Variants in ATP6V0D2 observed in about 807,000 individuals in gnomAD.
ATP6V0D2 encodes the protein ATPase H+ transporting V0 subunit d2.
ATP6V0D2 carries 40 observed loss-of-function variants against 40.0 expected under a neutral mutation model. The observed-to-expected ratio is 1.00, with a 90% CI of 0.78 to 1.30. The LOEUF (loss-of-function observed/expected upper bound fraction) is 1.30. Among genes scored for constraint, ATP6V0D2 ranks in the 50% most tolerant of loss-of-function variants. The pLI is 0.00. For synonymous variants in ATP6V0D2, 179 were observed against 156.3 expected (o/e 1.15, Z -1.08); for missense variants, 470 against 423.1 (o/e 1.11, Z -0.97).
At chr8:86,141,361 A>C in intron 3 of ATP6V0D2, 89 bp from the exon 4 acceptor site, 1 of 863,856 alleles carries the variant, frequency 1.2e-6, no homozygotes, top group Admixed American at 2.0e-5. Flanking sequence ...GTCAGGAGTG[A>C]GCAGAGGGTG....
intron 6 of ATP6V0D2, among the ~76,000 whole-genome samples, chr8:86,150,548 A>T (rs899874749): frequency 6.6e-6 from 1 of 152,090 alleles, no homozygotes; most frequent in Non-Finnish European, 1.5e-5. Flanking sequence ...CTCCTTTTGA[A>T]GTGTTTGATA....
intron 2 of ATP6V0D2, among the ~76,000 whole-genome samples, chr8:86,125,417 GTTTTA>G (rs201316566): frequency 0.019 from 2,860 of 152,196 alleles, 30 homozygotes; most frequent in Middle Eastern, 0.068. Context: ...CATTGTCCTA[GTTTTA>G]TTTTAACTTG....
intron 1 of ATP6V0D2, among the ~76,000 whole-genome samples, chr8:86,103,445 T>C (rs1387481600): frequency 6.6e-6 from 1 of 152,070 alleles, no homozygotes; most frequent in Non-Finnish European, 1.5e-5. Context: ...CTTTACTTTG[T>C]CCTTGACACA....
chr8:86,123,619 A>C (rs1245182758), intron 2 of ATP6V0D2, among the ~76,000 whole-genome samples: 1 of 152,194 alleles, frequency 6.6e-6, no homozygotes, highest in Non-Finnish European at 1.5e-5. Flanking sequence ...ATCTTGATTT[A>C]TGAGGCATGA....
intron 1 of ATP6V0D2, among the ~76,000 whole-genome samples, chr8:86,104,646 G>A (rs1464839332): frequency 6.6e-6 from 1 of 152,094 alleles, no homozygotes; most frequent in East Asian, 1.9e-4. Flanking sequence ...GTGGGTAGGT[G>A]AGTGACAAGC....
chr8:86,104,899 A>G (rs2130227415), intron 1 of ATP6V0D2, among the ~76,000 whole-genome samples: 1 of 150,074 alleles, frequency 6.7e-6, no homozygotes, highest in South Asian at 2.1e-4. Context: ...TCCATCAGGC[A>G]AGATAAATGA....
rs551504830 is a variant in ATP6V0D2 at position 86,120,146 on chromosome 8, C to T, written c.302+6266C>T. Among the ~76,000 whole-genome samples the T allele has an allele frequency of 2.0e-5, 3 of 152,162 alleles. No individual in the cohort carries two copies. In the South Asian group the frequency reaches 6.2e-4, roughly 32 times the overall value. On this transcript the variant is annotated intron_variant, in intron 2 of 7. Coordinates refer to ENST00000285393, the MANE Select transcript of ATP6V0D2 (RefSeq NM_152565.1). ...GGCACAGTAGCTCATGTCTGTAATC[C>T]CAGCACTTTGGGAGGCCAAGGTGGA...
chr8:86,146,184 TAGGTA>T (rs1477656996), intron 5 of ATP6V0D2, among the ~76,000 whole-genome samples: 1 of 152,116 alleles, frequency 6.6e-6, no homozygotes, highest in African/African-American at 2.4e-5. Flanking sequence ...AATTGGTAAA[TAGGTA>T]AGGTAAGAAT....
rs781004542 is a variant in ATP6V0D2 at position 86,150,260 on chromosome 8, A to G, written c.788A>G (p.Gln263Arg). The G allele has an allele frequency of 3.4e-5, 55 of 1,613,318 alleles. No homozygotes were observed. Among genetic ancestry groups the G allele is most frequent in the Non-Finnish European group, 4.2e-5 (50 of 1,179,878 alleles). Residue 263 changes from glutamine to arginine, a missense_variant, in exon 6 of 8, where the codon CAG (glutamine) becomes CGG (arginine). Physicochemically the swap from Gln to Arg is conservative, Grantham distance 43. Transcript: ENST00000285393. ...RLLAQAEDFD[Q>R]MKNVADHYGV... ...TTGGCTCAAGCAGAAGACTTTGACCAGATGAAGAACGTAGCGGATCATTAC... is the reference window on the plus strand; with the variant it reads ...TTGGCTCAAGCAGAAGACTTTGACCGGATGAAGAACGTAGCGGATCATTAC...
intron 5 of ATP6V0D2, among the ~76,000 whole-genome samples, chr8:86,143,817 C>T (rs1452763883): frequency 1.3e-5 from 2 of 152,100 alleles, no homozygotes; most frequent in East Asian, 3.9e-4. Context: ...GTTCAAATGC[C>T]TCTGACACTA....
intron 2 of ATP6V0D2, among the ~76,000 whole-genome samples, chr8:86,136,374 G>A (rs1035630193): frequency 6.6e-6 from 1 of 152,138 alleles, no homozygotes; most frequent in East Asian, 1.9e-4. Flanking sequence ...CTGCTAATTA[G>A]GAATGTTCGC....
In ATP6V0D2 at chr8:86,105,616, C is replaced by CTTTTTT. The variant is rs1401385712; in HGVS notation, c.130+6512_130+6513insTTTTTT. 5.0e-4 allele frequency among the ~76,000 whole-genome samples: 66 copies of CTTTTTT among 131,202 alleles called. 5 individuals carry two copies. Among genetic ancestry groups the CTTTTTT allele is most frequent in the Admixed American group, 7.2e-4 (9 of 12,536 alleles). The allele number at this position is 131,202 out of a possible 152,430, so 86.1% of individuals were successfully genotyped here. On this transcript the variant is annotated intron_variant, in intron 1 of 7. Coordinates refer to ENST00000285393, the MANE Select transcript of ATP6V0D2 (RefSeq NM_152565.1). Reference sequence around the variant, plus strand: ...TGCCTAGCCTGTAAACTTCTTTTTTCTTTTCTTTTTTTTTTTTTTTGAGAT... The same window carrying CTTTTTT: ...TGCCTAGCCTGTAAACTTCTTTTTTCTTTTTTTTTTCTTTTTTTTTTTTTTTGAGAT...
At chr8:86,149,252 G>A (rs1311870877) in intron 5 of ATP6V0D2, among the ~76,000 whole-genome samples, 2 of 151,938 alleles carry the variant, frequency 1.3e-5, no homozygotes, top group South Asian at 2.1e-4. Flanking sequence ...GCCCCTAAAG[G>A]AGAGACTGAG....
chr8:86,128,755 G>C (rs971250837), intron 2 of ATP6V0D2, among the ~76,000 whole-genome samples: 1 of 152,200 alleles, frequency 6.6e-6, no homozygotes, highest in Non-Finnish European at 1.5e-5. Flanking sequence ...GTGTAAATCA[G>C]ACTTGAGGGC....
At position 86,129,577 on chromosome 8, in the gene ATP6V0D2, C is replaced by A. The variant is rs538380908; in HGVS notation, c.303-9880C>A. 1.4e-3 allele frequency among the ~76,000 whole-genome samples: 220 copies of A among 152,016 alleles called. 3 individuals carry two copies. The highest frequency in any genetic ancestry group is 5.1e-3 in the African/African-American group (210 of 41,496). On this transcript the variant is annotated intron_variant, in intron 2 of 7. Coordinates refer to ENST00000285393, the MANE Select transcript of ATP6V0D2 (RefSeq NM_152565.1). Reference sequence around the variant, plus strand: ...CTGTAATCCCTGCACTTTGGGAGGCCGAGGCCTGCAGATCATCTGAGGTCA... The same window carrying A: ...CTGTAATCCCTGCACTTTGGGAGGCAGAGGCCTGCAGATCATCTGAGGTCA...
chr8:86,138,418 G>T (rs956193079), intron 2 of ATP6V0D2, among the ~76,000 whole-genome samples: 4 of 152,104 alleles, frequency 2.6e-5, no homozygotes, highest in Admixed American at 1.3e-4. Flanking sequence ...CACTTAAGCT[G>T]TATTCTTTGT....
At chr8:86,147,926 T>C (rs968893290) in intron 5 of ATP6V0D2, among the ~76,000 whole-genome samples, 4 of 152,140 alleles carry the variant, frequency 2.6e-5, no homozygotes, top group African/African-American at 9.7e-5. Flanking sequence ...TTTCTTCTTA[T>C]ATTCATATTC....
chr8:86,144,209 C>A (rs548705498), intron 5 of ATP6V0D2, among the ~76,000 whole-genome samples: 2 of 152,266 alleles, frequency 1.3e-5, no homozygotes, highest in East Asian at 1.9e-4. Flanking sequence ...AGATTCAGGG[C>A]AGAGATCAGA....
chr8:86,142,116 G>C (rs1402203534), intron 4 of ATP6V0D2, among the ~76,000 whole-genome samples: 1 of 152,134 alleles, frequency 6.6e-6, no homozygotes, highest in Non-Finnish European at 1.5e-5. Flanking sequence ...AATAACCATA[G>C]CCTCTTTGGA....
Sources: gnomAD v4.1 joint callset for allele counts (sites outside exome capture counted in the v4.1 genomes callset) on GRCh38, gnomAD v4.1.1 for gene constraint, MANE v1.5 for transcripts, NCBI Gene and HGNC (gene_info 2026-07-23, HGNC 2026-07-21) for gene names.